MCM9: variants seen among roughly 807,000 people sequenced by gnomAD.
The protein encoded by MCM9 is minichromosome maintenance 9 homologous recombination repair factor.
A neutral mutation model predicts 72.8 loss-of-function variants in MCM9; 55 were observed. The ratio of observed to expected loss-of-function variants is 0.76; its 90% CI spans 0.61 to 0.95. The LOEUF is 0.95. MCM9 is among the 40% of genes least tolerant of loss of function. The pLI is 0.00. For synonymous variants in MCM9, 480 were observed against 503.4 expected, an observed-to-expected ratio of 0.95 and a Z score of 0.62; for missense variants, 1,279 against 1,377.0, an observed-to-expected ratio of 0.93 and a Z score of 1.13.
Position 118,824,811 on chromosome 6 carries a change from C to T in MCM9, c.1961+1336G>A, listed in dbSNP as rs145232740. Among the ~76,000 whole-genome samples, 277 of 152,170 alleles carry T rather than the reference C, an allele frequency of 1.8e-3. 1 individual carries two copies. Among genetic ancestry groups the T allele is most frequent in the South Asian group, 0.01 (50 of 4,830 alleles). ...TTGATAAGATTAGCATTAGATTGTGCCTTGGAGGTAATTCACTTTCATTTG... is the reference window on the plus strand; with the variant it reads ...TTGATAAGATTAGCATTAGATTGTGTCTTGGAGGTAATTCACTTTCATTTG... On this transcript the variant is annotated intron_variant, in intron 13 of 13. Coordinates refer to ENST00000619706, the MANE Select transcript of MCM9 (RefSeq NM_017696.3).
intron 8 of MCM9, among the ~76,000 whole-genome samples, chr6:118,880,054 A>C (rs575041575): frequency 1.4e-3 from 208 of 152,174 alleles, no homozygotes; most frequent in South Asian, 2.1e-3. Flanking sequence ...ACAACAACAA[A>C]AAAAAAACAC....
At chr6:118,905,504 G>C in intron 8 of MCM9, 1 of 593,802 alleles carries the variant, frequency 1.7e-6, no homozygotes, top group Non-Finnish European at 2.9e-6. Flanking sequence ...AAGTCAGTCA[G>C]AAATGAGCAT....
intron 9 of MCM9, among the ~76,000 whole-genome samples, chr6:118,843,707 T>TAC (rs1491118894): frequency 1.1e-5 from 1 of 88,962 alleles, no homozygotes; most frequent in East Asian, 3.0e-4. Context: ...TATATATGTA[T>TAC]GTATATATAT....
intron 9 of MCM9, among the ~76,000 whole-genome samples, chr6:118,843,636 C>A (rs1775554164): frequency 1.8e-4 from 1 of 5,568 alleles, no homozygotes; most frequent in African/African-American, 3.9e-4. Context: ...CAAAACAAAA[C>A]AAAACATATA....
rs1018756200 is a variant in MCM9 at position 118,853,807 on chromosome 6, A to T, written c.1325+2564T>A. Among the ~76,000 whole-genome samples the T allele has an allele frequency of 4.0e-5, 6 of 151,772 alleles. No homozygotes were observed. The East Asian group carries it at 1.2e-3, about 29-fold the overall frequency. ...AAGTGAGACTCTGTCTCAAAAACAA[A>T]TTTTTTTTTAAATGCAGTGATTCTA... is the stretch of plus-strand genomic sequence containing the variant. On this transcript the variant is annotated intron_variant, in intron 9 of 13. Coordinates refer to ENST00000619706, the MANE Select transcript of MCM9 (RefSeq NM_017696.3).
chr6:118,899,461 C>T (rs1779659574), intron 8 of MCM9, among the ~76,000 whole-genome samples: 1 of 152,128 alleles, frequency 6.6e-6, no homozygotes, highest in African/African-American at 2.4e-5. Flanking sequence ...TTTGCTGTTC[C>T]CTCTGGCGAG....
In MCM9 at chr6:118,815,936, A is replaced by G; in HGVS notation, c.2320T>C (p.Ser774Pro). 6.5e-7 allele frequency: 1 copy of G among 1,549,810 alleles called. No homozygotes were observed. Among genetic ancestry groups the G allele is most frequent in the Non-Finnish European group, 8.7e-7 (1 of 1,146,960 alleles). ...HPKTSGENMA[S>P]KISNSTSQGK... ...TGAGATGTGCTGTTAGAGATCTTCG[A>G]AGCCATATTTTCTCCAGATGTTTTG... The change falls in exon 14 of 14, where the codon TCG becomes CCG. Residue 774 changes from serine (S) to proline (P), a missense_variant. Transcript: ENST00000619706.
chr6:118,909,249 A>T (rs1023258124), intron 8 of MCM9: 2 of 152,224 alleles, frequency 1.3e-5, no homozygotes, highest in Non-Finnish European at 2.9e-5. Context: ...TCACCAAATA[A>T]AGCCATTTAC....
At chr6:118,885,174 A>G (rs931516898) in intron 8 of MCM9, among the ~76,000 whole-genome samples, 1 of 152,068 alleles carries the variant, frequency 6.6e-6, no homozygotes, top group Non-Finnish European at 1.5e-5. Flanking sequence ...CCAGCATGGG[A>G]GACAGAGCAC....
intron 10 of MCM9, 45 bp from the exon 11 acceptor site, chr6:118,828,175 A>C: frequency 2.8e-6 from 4 of 1,418,410 alleles, no homozygotes; most frequent in Non-Finnish European, 3.8e-6. Context: ...AGGACAGGCA[A>C]ACATCTCATT....
At chr6:118,906,824 A>G (rs549965620) in intron 8 of MCM9, among the ~76,000 whole-genome samples, 42 of 152,162 alleles carry the variant, frequency 2.8e-4, no homozygotes, top group Non-Finnish European at 1.0e-4. Context: ...TTACATGACA[A>G]TAGAATAGAA....
At chr6:118,934,260 C>T (rs989049551) in intron 1 of MCM9, 10 of 152,222 alleles carry the variant, frequency 6.6e-5, no homozygotes, top group Non-Finnish European at 1.2e-4. Context: ...AATCAATAAA[C>T]GTACCTACTA....
chr6:118,827,389 A>G (rs1774233140), intron 11 of MCM9, among the ~76,000 whole-genome samples: 1 of 152,194 alleles, frequency 6.6e-6, no homozygotes, highest in Non-Finnish European at 1.5e-5. Flanking sequence ...GTTCATGTGA[A>G]TTCTTTTTTT....
rs1774200923 is a variant in MCM9 at position 118,826,831 on chromosome 6, G to A, written c.1766C>T (p.Thr589Ile). 1 of 1,550,286 alleles carries A rather than the reference G, an allele frequency of 6.5e-7. No homozygotes were observed. Among genetic ancestry groups the A allele is most frequent in the South Asian group, 1.2e-5 (1 of 84,058 alleles). The stretch of plus-strand genomic sequence containing the variant: ...CACCACCGTAATAGCGTCTTCCAGA[G>A]TTACAGTATCACGAAACATCAGGCG... The part of the protein sequence containing the change: ...HARLMFRDTV[T>I]LEDAITVVSV... Residue 589 changes from threonine to isoleucine, a missense_variant, in exon 12 of 14, where the codon ACT becomes ATT. Transcript: ENST00000619706.
intron 9 of MCM9, among the ~76,000 whole-genome samples, chr6:118,847,812 A>T (rs1335979714): frequency 1.3e-5 from 2 of 151,866 alleles, no homozygotes; most frequent in African/African-American, 4.9e-5. Context: ...AAAGGAAAAA[A>T]CCCTCTGGGA....
At chr6:118,900,664 T>G in intron 8 of MCM9, 1 of 820,196 alleles carries the variant, frequency 1.2e-6, no homozygotes, top group Non-Finnish European at 2.1e-6. Context: ...GAAGCCAATT[T>G]TAAAGCCAGT....
At chr6:118,879,875 C>T (rs1207462820) in intron 8 of MCM9, among the ~76,000 whole-genome samples, 1 of 152,002 alleles carries the variant, frequency 6.6e-6, no homozygotes, top group Non-Finnish European at 1.5e-5. Context: ...GAAACCCTGT[C>T]TCTATTAATA....
chr6:118,894,621 C>T, intron 8 of MCM9: 2 of 1,073,896 alleles, frequency 1.9e-6, no homozygotes, highest in Non-Finnish European at 2.7e-6. Context: ...TGTTCGGCGC[C>T]TGGCGGCCGC....
intron 8 of MCM9, among the ~76,000 whole-genome samples, chr6:118,885,414 A>G (rs1325591247): frequency 6.6e-6 from 1 of 152,176 alleles, no homozygotes; most frequent in Non-Finnish European, 1.5e-5. Flanking sequence ...CTAAAAGTTG[A>G]CAATCCTTTA....
Sources: allele counts gnomAD v4.1 joint callset (sites outside exome capture counted in the v4.1 genomes callset), GRCh38; gene constraint gnomAD v4.1.1; transcripts MANE v1.5; gene names NCBI Gene and HGNC (gene_info 2026-07-23, HGNC 2026-07-21).